The following CEP112 variants were observed in gnomAD, a reference collection of about 807,000 sequenced individuals.
CEP112 encodes centrosomal protein of 112 kDa.
Under a neutral mutation model 153.0 loss-of-function variants are expected in CEP112, and 127 were observed. That is an observed-to-expected ratio of 0.83 (90% CI 0.72 to 0.96). The LOEUF (loss-of-function observed/expected upper bound fraction) is 0.96, where lower values mean the gene tolerates loss of function less well. Among genes scored for constraint, CEP112 ranks in the 40% least tolerant of loss-of-function variants. The pLI is 0.00. For synonymous variants in CEP112, 358 were observed against 374.4 expected (o/e 0.96, Z 0.51); for missense variants, 1,089 against 1,101.2 (o/e 0.99, Z 0.16).
At chr17:65,833,955 A>C (rs2057195463) in intron 21 of CEP112, among the ~76,000 whole-genome samples, 2 of 152,202 alleles carry the variant, frequency 1.3e-5, no homozygotes, top group Non-Finnish European at 2.9e-5. Flanking sequence ...AAACTATACT[A>C]CAGGGCTATA....
chr17:65,821,540 A>ATTTTTTT (rs869059954), intron 21 of CEP112, among the ~76,000 whole-genome samples: 2 of 33,630 alleles, frequency 5.9e-5, no homozygotes, highest in Non-Finnish European at 9.4e-5. Context: ...ATATATATAT[A>ATTTTTTT]TTTTTTTTTT....
At chr17:66,155,247 G>A (rs545104350) in intron 4 of CEP112, among the ~76,000 whole-genome samples, 9 of 152,226 alleles carry the variant, frequency 5.9e-5, no homozygotes, top group African/African-American at 1.4e-4. Flanking sequence ...AGGGCGAGCC[G>A]AAGCAGGGTG....
intron 17 of CEP112, among the ~76,000 whole-genome samples, chr17:65,970,076 G>A (rs970364897): frequency 1.1e-4 from 16 of 152,164 alleles, no homozygotes; most frequent in East Asian, 7.7e-4. Context: ...TTGCAAACAT[G>A]CATGCCACCT....
intron 21 of CEP112, among the ~76,000 whole-genome samples, chr17:65,789,943 T>C (rs1195289917): frequency 2.0e-5 from 3 of 152,174 alleles, no homozygotes; most frequent in African/African-American, 7.2e-5. Flanking sequence ...TCCAAGTCTA[T>C]ATCCTAACTG....
At chr17:65,985,142 G>A (rs1045615073) in intron 17 of CEP112, among the ~76,000 whole-genome samples, 16 of 152,152 alleles carry the variant, frequency 1.1e-4, no homozygotes, top group Non-Finnish European at 1.9e-4. Flanking sequence ...CGCAGTTGAA[G>A]GGGTTGGAGT....
chr17:65,866,168 T>G (rs2058478815), intron 20 of CEP112, among the ~76,000 whole-genome samples: 1 of 152,158 alleles, frequency 6.6e-6, no homozygotes, highest in Non-Finnish European at 1.5e-5. Context: ...GGGTCAGAGA[T>G]GTCTGCTCCC....
chr17:65,947,087 C>T (rs2061673594), intron 18 of CEP112, among the ~76,000 whole-genome samples: 1 of 152,130 alleles, frequency 6.6e-6, no homozygotes, highest in South Asian at 2.1e-4. Flanking sequence ...GACCTAAGTT[C>T]ATTACCAATA....
intron 1 of CEP112, among the ~76,000 whole-genome samples, chr17:66,190,263 C>T (rs553267667): frequency 2.0e-5 from 3 of 151,348 alleles, no homozygotes; most frequent in Admixed American, 6.6e-5. Context: ...GAGCTGAAAT[C>T]ATGCCACTGC....
intron 1 of CEP112, among the ~76,000 whole-genome samples, chr17:66,188,856 C>A (rs2073053161): frequency 6.6e-6 from 1 of 152,036 alleles, no homozygotes; most frequent in Non-Finnish European, 1.5e-5. Context: ...ATGAACAAAC[C>A]AATGGAAAAT....
intron 24 of CEP112, among the ~76,000 whole-genome samples, chr17:65,645,388 T>C (rs1412772983): frequency 6.6e-6 from 1 of 152,172 alleles, no homozygotes; most frequent in East Asian, 1.9e-4. Flanking sequence ...GTTTTATATC[T>C]ATTTTATATT....
At chr17:66,172,031 T>G (rs924384330) in intron 4 of CEP112, among the ~76,000 whole-genome samples, 6 of 152,194 alleles carry the variant, frequency 3.9e-5, no homozygotes, top group Non-Finnish European at 5.9e-5. Flanking sequence ...AAAAATCCTT[T>G]TAGGCCATTT....
At chr17:65,855,044 A>G (rs2058080747) in intron 20 of CEP112, among the ~76,000 whole-genome samples, 1 of 152,214 alleles carries the variant, frequency 6.6e-6, no homozygotes, top group African/African-American at 2.4e-5. Flanking sequence ...TGGAGAAAGC[A>G]CAGGAAGCAT....
chr17:66,005,786 A>G lies in CEP112; in HGVS notation c.1657-17T>C. 6.3e-7 allele frequency: 1 copy of G among 1,589,552 alleles called. No homozygotes were observed. The highest frequency in any genetic ancestry group is 8.5e-7 in the Non-Finnish European group (1 of 1,172,832). The stretch of plus-strand genomic sequence containing the variant: ...GTCATGAGCCTGCCATGACAAGAAC[A>G]TGGAAAATTTATTGGAAGACGAGTA... On this transcript the variant is annotated splice_polypyrimidine_tract_variant and intron_variant, in intron 16 of 26. Coordinates refer to ENST00000535342, the MANE Select transcript of CEP112 (RefSeq NM_001199165.4).
chr17:66,010,250 G>A (rs1044924748), intron 16 of CEP112, among the ~76,000 whole-genome samples: 2 of 152,054 alleles, frequency 1.3e-5, no homozygotes, highest in Non-Finnish European at 2.9e-5. Context: ...TCTTGATTTG[G>A]TTCTCAGCTT....
chr17:66,103,471 G>A (rs2068650497), intron 6 of CEP112, among the ~76,000 whole-genome samples: 1 of 152,128 alleles, frequency 6.6e-6, no homozygotes, highest in Admixed American at 6.5e-5. Flanking sequence ...CTCTATAAAT[G>A]AATAAATAAA....
At chr17:66,079,041 A>C (rs2067613952) in intron 8 of CEP112, among the ~76,000 whole-genome samples, 2 of 152,192 alleles carry the variant, frequency 1.3e-5, no homozygotes, top group Non-Finnish European at 2.9e-5. Flanking sequence ...GAGAAATGCA[A>C]ATCAAAACCA....
intron 6 of CEP112, among the ~76,000 whole-genome samples, chr17:66,116,137 ACCAACTTTTCC>A (rs2069280025): frequency 6.6e-6 from 1 of 152,216 alleles, no homozygotes; most frequent in South Asian, 2.1e-4. Flanking sequence ...AAAAGTATTT[ACCAACTTTTCC>A]TTGAAATTTG....
chr17:65,807,155 A>T (rs2055655965), intron 21 of CEP112, among the ~76,000 whole-genome samples: 1 of 152,206 alleles, frequency 6.6e-6, no homozygotes, highest in Admixed American at 6.5e-5. Flanking sequence ...TAGCAAAGAG[A>T]CAGGCTGCAT....
chr17:65,938,651 G>C (rs1182223133), intron 18 of CEP112, among the ~76,000 whole-genome samples: 1 of 152,082 alleles, frequency 6.6e-6, no homozygotes, highest in Admixed American at 6.5e-5. Flanking sequence ...GGAAGAAGTA[G>C]AATTGTCTCT....
Sources: allele counts gnomAD v4.1 joint callset (sites outside exome capture counted in the v4.1 genomes callset), GRCh38; gene constraint gnomAD v4.1.1; transcripts MANE v1.5; gene names NCBI Gene and HGNC (gene_info 2026-07-23, HGNC 2026-07-21).